The following TBC1D19 variants were observed in gnomAD, a reference collection of about 807,000 sequenced individuals.
The protein encoded by TBC1D19 is TBC1 domain family member 19, also known as TBC1 domain family, member 19.
A neutral mutation model predicts 89.0 loss-of-function variants in TBC1D19; 60 were observed. The ratio of observed to expected loss-of-function variants is 0.67; its 90% CI spans 0.55 to 0.84. The LOEUF is 0.84. Ranked by LOEUF, TBC1D19 falls within the 40% of genes least tolerant of loss-of-function variation. The probability of loss-of-function intolerance (pLI) is 0.00; values close to 1 mark genes in which losing one functional copy is unlikely to be tolerated. For synonymous variants in TBC1D19, 189 were observed against 199.7 expected, an observed-to-expected ratio of 0.95 and a Z score of 0.45; for missense variants, 500 against 610.8, an observed-to-expected ratio of 0.82 and a Z score of 1.91.
chr4:26,690,953 C>G (rs1025372568), intron 13 of TBC1D19, among the ~76,000 whole-genome samples: 1 of 152,090 alleles, frequency 6.6e-6, no homozygotes, highest in Non-Finnish European at 1.5e-5. Flanking sequence ...AAATTGAAAG[C>G]TTCTGGAAAG....
In TBC1D19 at chr4:26,590,627, T is replaced by C. The variant is rs2109946981; in HGVS notation, c.99+6335T>C. Among the ~76,000 whole-genome samples the C allele has an allele frequency of 2.6e-5, 4 of 152,152 alleles. 1 individual carries two copies. Among genetic ancestry groups the C allele is most frequent in the Admixed American group, 2.6e-4 (4 of 15,258 alleles). ...AATAGACTTTAGATTTACAGAAAAA[T>C]TGATCAGAAAGTAGTTTCCATTTAT... On this transcript the variant is annotated intron_variant, in intron 1 of 20. Coordinates refer to ENST00000264866, the MANE Select transcript of TBC1D19 (RefSeq NM_018317.4).
At chr4:26,659,164 C>A (rs534834314) in intron 7 of TBC1D19, among the ~76,000 whole-genome samples, 1 of 152,138 alleles carries the variant, frequency 6.6e-6, no homozygotes, top group East Asian at 1.9e-4. Flanking sequence ...CTTACTTCAT[C>A]ATCTTTCTAC....
Position 26,585,208 on chromosome 4 carries a change from G to C in TBC1D19, c.99+916G>C, listed in dbSNP as rs139621435. On this transcript the variant is annotated intron_variant, in intron 1 of 20. Transcript: ENST00000264866. ...TGGTAAGTGTAATGTTTCATTCTAT[G>C]AGAAACTGTCACACTTTTCCAAAGT... The C allele has an allele frequency of 3.2e-3, 1,441 of 444,140 alleles. 23 individuals are homozygous for C. Among genetic ancestry groups the C allele is most frequent in the South Asian group, 0.016 (975 of 62,204 alleles). 27.5% of individuals were successfully genotyped at this position (444,140 alleles called of 1,614,324 possible).
At chr4:26,677,924 C>A (rs918077972) in intron 11 of TBC1D19, among the ~76,000 whole-genome samples, 1 of 152,180 alleles carries the variant, frequency 6.6e-6, no homozygotes, top group African/African-American at 2.4e-5. Flanking sequence ...TATAAATTAT[C>A]CAGTCTTGGG....
the TBC1D19 span, among the ~76,000 whole-genome samples, chr4:26,808,742 A>G: frequency 3.0e-4 from 45 of 150,406 alleles, no homozygotes; most frequent in African/African-American, 1.0e-3. Context: ...AAAAAAAAAA[A>G]AAAAGAAAAA....
chr4:26,743,417 T>C (rs753461437), intron 18 of TBC1D19, among the ~76,000 whole-genome samples: 3 of 152,090 alleles, frequency 2.0e-5, no homozygotes, highest in Non-Finnish European at 2.9e-5. Flanking sequence ...ATTCCATTTC[T>C]GTTAAGCTTT....
chr4:26,638,638 CA>C (rs1382340549), intron 5 of TBC1D19, 132 bp from the exon 6 acceptor site: 1 of 666,972 alleles, frequency 1.5e-6, no homozygotes, highest in Admixed American at 3.1e-5. Flanking sequence ...CCCCCAAATT[CA>C]ACATGTTTAA....
At chr4:26,828,007 G>C in the TBC1D19 span, among the ~76,000 whole-genome samples, 1 of 152,162 alleles carries the variant, frequency 6.6e-6, no homozygotes, top group Non-Finnish European at 1.5e-5. Context: ...GACAGCTATG[G>C]GGTTAAAGGG....
the TBC1D19 span, among the ~76,000 whole-genome samples, chr4:26,780,548 A>G: frequency 2.6e-5 from 4 of 151,952 alleles, no homozygotes; most frequent in African/African-American, 9.7e-5. Context: ...GAAAAACTTC[A>G]TTTCCCAGAT....
intron 13 of TBC1D19, among the ~76,000 whole-genome samples, chr4:26,694,891 A>G (rs932849529): frequency 1.3e-5 from 2 of 152,202 alleles, no homozygotes; most frequent in South Asian, 2.1e-4. Context: ...AATCCCATCT[A>G]TACGTCACCA....
chr4:26,704,504 C>T (rs1213454941), intron 13 of TBC1D19, among the ~76,000 whole-genome samples: 1 of 152,046 alleles, frequency 6.6e-6, no homozygotes, highest in African/African-American at 2.4e-5. Flanking sequence ...GATATTTTAA[C>T]GCTATTGAAT....
At chr4:26,833,706 A>G in the TBC1D19 span, among the ~76,000 whole-genome samples, 1 of 152,242 alleles carries the variant, frequency 6.6e-6, no homozygotes, top group South Asian at 2.1e-4. Context: ...ACTTCCACAC[A>G]ATGTGTCGCT....
At chr4:26,697,461 G>A (rs1233875982) in intron 13 of TBC1D19, among the ~76,000 whole-genome samples, 1 of 152,098 alleles carries the variant, frequency 6.6e-6, no homozygotes, top group Non-Finnish European at 1.5e-5. Flanking sequence ...CATTCCTTCT[G>A]AAACTATTCC....
At chr4:26,853,742 G>A in the TBC1D19 span, among the ~76,000 whole-genome samples, 2 of 152,020 alleles carry the variant, frequency 1.3e-5, no homozygotes, top group African/African-American at 2.4e-5. Flanking sequence ...TCACCATGTT[G>A]GTCAGGCTGG....
chr4:26,717,543 A>G (rs957573968), intron 13 of TBC1D19, among the ~76,000 whole-genome samples: 1 of 152,028 alleles, frequency 6.6e-6, no homozygotes, highest in Admixed American at 6.6e-5. Flanking sequence ...TGCGTGATGC[A>G]TCCCAGTATG....
chr4:26,826,284 C>T, the TBC1D19 span, among the ~76,000 whole-genome samples: 2 of 152,170 alleles, frequency 1.3e-5, no homozygotes, highest in Non-Finnish European at 2.9e-5. Flanking sequence ...CATAGGACTT[C>T]GCATTCTGCC....
At chr4:26,644,871 T>C (rs567104977) in intron 7 of TBC1D19, among the ~76,000 whole-genome samples, 1 of 152,296 alleles carries the variant, frequency 6.6e-6, no homozygotes, top group South Asian at 2.1e-4. Flanking sequence ...ACAAGGGATG[T>C]GAAGGACCTC....
intron 6 of TBC1D19, among the ~76,000 whole-genome samples, chr4:26,639,434 TTCTTG>T (rs140153914): frequency 0.054 from 8,252 of 152,184 alleles, 781 homozygotes; most frequent in African/African-American, 0.19. Flanking sequence ...ATTTTTGAGA[TTCTTG>T]TCTTTTAATT....
chr4:26,638,720 G>T, intron 5 of TBC1D19, 51 bp from the exon 6 acceptor site: 1 of 1,410,220 alleles, frequency 7.1e-7, no homozygotes, highest in Non-Finnish European at 9.9e-7. Context: ...TAGTTGTATT[G>T]CTAGACTTCA....
Sources: allele counts gnomAD v4.1 joint callset (sites outside exome capture counted in the v4.1 genomes callset), GRCh38; gene constraint gnomAD v4.1.1; transcripts MANE v1.5; gene names NCBI Gene and HGNC (gene_info 2026-07-23, HGNC 2026-07-21).